The following CCBE1 variants were observed in gnomAD, a reference collection of about 807,000 sequenced individuals.
CCBE1 encodes the protein collagen and calcium-binding EGF domain-containing protein 1.
CCBE1 carries 37 observed loss-of-function variants against 50.0 expected under a neutral mutation model. The ratio of observed to expected loss-of-function variants is 0.74; its 90% CI spans 0.57 to 0.97. CCBE1 has a LOEUF of 0.97. Ranked by LOEUF, CCBE1 falls within the 50% of genes least tolerant of loss-of-function variation. The probability of loss-of-function intolerance (pLI) is 0.00; values close to 1 mark genes in which losing one functional copy is unlikely to be tolerated. For missense variants in CCBE1, 538 were observed against 523.8 expected (o/e 1.03, Z -0.26); for synonymous variants, 234 against 203.7 (o/e 1.15, Z -1.27).
chr18:59,656,384 G>A (rs912339360), intron 2 of CCBE1, among the ~76,000 whole-genome samples: 2 of 152,220 alleles, frequency 1.3e-5, no homozygotes, highest in African/African-American at 4.8e-5. Flanking sequence ...TGCAGAACAT[G>A]AAGGGTTTTG....
intron 2 of CCBE1, among the ~76,000 whole-genome samples, chr18:59,565,014 G>T (rs2052799215): frequency 6.6e-6 from 1 of 152,250 alleles, no homozygotes; most frequent in South Asian, 2.1e-4. Context: ...TGAGTAGTCA[G>T]CCTTGTTCCC....
At chr18:59,460,756 A>AC (rs529717209) in intron 5 of CCBE1, among the ~76,000 whole-genome samples, 19 of 151,838 alleles carry the variant, frequency 1.3e-4, no homozygotes, top group Non-Finnish European at 2.6e-4. Context: ...AGATGGTGAA[A>AC]CCCCATCTCT....
chr18:59,475,839 C>A (rs1217752768), intron 3 of CCBE1, among the ~76,000 whole-genome samples: 2 of 152,200 alleles, frequency 1.3e-5, no homozygotes, highest in Non-Finnish European at 2.9e-5. Flanking sequence ...CTGCCTCAGC[C>A]TCTGGAGTAG....
At chr18:59,461,108 T>G (rs1911451762) in intron 5 of CCBE1, among the ~76,000 whole-genome samples, 1 of 152,086 alleles carries the variant, frequency 6.6e-6, no homozygotes, top group African/African-American at 2.4e-5. Flanking sequence ...ACCTTCTCAT[T>G]TACAGATAAG....
rs369248982 is a variant in CCBE1, at chr18:59,602,114, C to CT, written c.212+94514dup. ...CATTTGTTATTACAAATGTGAATTCCTTTTTTTTTTTTTAATATATTTTTA... is the reference window on the plus strand; with the variant it reads ...CATTTGTTATTACAAATGTGAATTCCTTTTTTTTTTTTTTAATATATTTTTA... On this transcript the variant is annotated intron_variant, in intron 2 of 10. Transcript: ENST00000439986. Among the ~76,000 whole-genome samples, 1,240 of 143,040 alleles carry CT rather than the reference C, an allele frequency of 8.7e-3. 13 individuals are homozygous for CT. The highest frequency in any genetic ancestry group is 0.018 in the African/African-American group (693 of 39,354). 93.8% of individuals were successfully genotyped at this position (143,040 alleles called of 152,430 possible).
intron 2 of CCBE1, among the ~76,000 whole-genome samples, chr18:59,658,655 G>A (rs183715484): frequency 1.3e-5 from 2 of 150,550 alleles, no homozygotes; most frequent in African/African-American, 4.9e-5. Context: ...GCCGAGGCAG[G>A]CAGATCACAA....
At chr18:59,636,397 C>T (rs2053917091) in intron 2 of CCBE1, among the ~76,000 whole-genome samples, 1 of 152,228 alleles carries the variant, frequency 6.6e-6, no homozygotes, top group African/African-American at 2.4e-5. Flanking sequence ...ATGTGAAATG[C>T]ACAGAGCAAT....
chr18:59,547,634 A>G (rs1915758508), intron 2 of CCBE1, among the ~76,000 whole-genome samples: 2 of 152,208 alleles, frequency 1.3e-5, no homozygotes, highest in African/African-American at 4.8e-5. Flanking sequence ...TAAAGATTTC[A>G]ACACACAAAA....
In CCBE1 at chr18:59,697,345, G is replaced by A. The variant is rs1217061847; in HGVS notation, c.-3C>T. 6.5e-7 allele frequency: 1 copy of A among 1,546,534 alleles called. No individual in the cohort carries two copies. The highest frequency in any genetic ancestry group is 1.2e-5 in the South Asian group (1 of 83,950). On this transcript the variant is annotated 5_prime_UTR_variant, in exon 1 of 11. Transcript: ENST00000439986. ...CGGCTCGGAGGCGGCGGCACCATCAGGGAAGCTCCCGGCTTCTTCCCAGCG... is the reference window on the plus strand; with the variant it reads ...CGGCTCGGAGGCGGCGGCACCATCAAGGAAGCTCCCGGCTTCTTCCCAGCG...
chr18:59,602,142 A>G (rs2053442111), intron 2 of CCBE1, among the ~76,000 whole-genome samples: 1 of 151,896 alleles, frequency 6.6e-6, no homozygotes, highest in Admixed American at 6.6e-5. Context: ...TATTTTTACT[A>G]ACACCACAAA....
chr18:59,588,374 A>T (rs1194727011), intron 2 of CCBE1, among the ~76,000 whole-genome samples: 1 of 152,114 alleles, frequency 6.6e-6, no homozygotes, highest in Non-Finnish European at 1.5e-5. Context: ...CCAGCTTGGG[A>T]AACTTCGTGA....
intron 2 of CCBE1, among the ~76,000 whole-genome samples, chr18:59,488,189 C>A: frequency 6.6e-6 from 1 of 152,182 alleles, no homozygotes; most frequent in South Asian, 2.1e-4. Context: ...ACTGTAAAGA[C>A]GGAGTTAGTA....
At position 59,469,600 on chromosome 18, in the gene CCBE1, G is replaced by A. The variant is rs369006324; in HGVS notation, c.273C>T (p.Asp91=). Residue 91 remains aspartate (D), a synonymous_variant, in exon 4 of 11, where the codon GAC becomes GAT. Transcript: ENST00000439986. ...GTTCACAGGGAGCCTCGGCACAAACGTCGTAATCTGAAAAAGCAAAGTGAG... is the reference window on the plus strand; with the variant it reads ...GTTCACAGGGAGCCTCGGCACAAACATCGTAATCTGAAAAAGCAAAGTGAG... ...VLGQCIPEDY[D]VCAEAPCEQQ... 33 of 1,614,084 alleles carry A rather than the reference G, an allele frequency of 2.0e-5. 1 individual carries two copies. In the African/African-American group the frequency reaches 3.5e-4, roughly 17 times the overall value.
chr18:59,451,968 T>A (rs1430621189), intron 6 of CCBE1, among the ~76,000 whole-genome samples: 2 of 152,170 alleles, frequency 1.3e-5, no homozygotes, highest in Non-Finnish European at 2.9e-5. Context: ...TAACTTCCTA[T>A]GTTTTAAAAA....
At position 59,623,508 on chromosome 18, in the gene CCBE1, T is replaced by C. The variant is rs2053739098; in HGVS notation, c.212+73121A>G. 2.6e-5 allele frequency among the ~76,000 whole-genome samples: 4 copies of C among 152,220 alleles called. 1 individual carries two copies. In the South Asian group the frequency reaches 8.3e-4, roughly 32 times the overall value. On this transcript the variant is annotated intron_variant, in intron 2 of 10. Transcript: ENST00000439986. Reference sequence around the variant, plus strand: ...TTGCACTTGGTCACCTGCCTCTTACTGAGCAAAGTCTGGACAAGGATAGGA... The same window carrying C: ...TTGCACTTGGTCACCTGCCTCTTACCGAGCAAAGTCTGGACAAGGATAGGA...
chr18:59,576,392 T>C (rs1363918132), intron 2 of CCBE1, among the ~76,000 whole-genome samples: 1 of 152,234 alleles, frequency 6.6e-6, no homozygotes, highest in Non-Finnish European at 1.5e-5. Context: ...GTTTTTAAAG[T>C]AGCTCATTAC....
rs546148352 is a variant in CCBE1, at chr18:59,590,560, C to T, written c.212+106069G>A. 2.1e-4 allele frequency among the ~76,000 whole-genome samples: 31 copies of T among 151,166 alleles called. 1 individual carries two copies. In the East Asian group the frequency reaches 5.8e-3, roughly 28 times the overall value. The stretch of plus-strand genomic sequence containing the variant: ...GGAAAACTGAACATGCAAGAATAGT[C>T]AATAAAACACCAAAAAAGAAAAGCC... On this transcript the variant is annotated intron_variant, in intron 2 of 10. Coordinates refer to ENST00000439986, the MANE Select transcript of CCBE1 (RefSeq NM_133459.4).
chr18:59,467,587 C>G (rs1911811289), intron 4 of CCBE1, among the ~76,000 whole-genome samples: 1 of 152,196 alleles, frequency 6.6e-6, no homozygotes, highest in Non-Finnish European at 1.5e-5. Flanking sequence ...CCCATGTTAA[C>G]TATGCACATC....
At chr18:59,492,634 C>A (rs1390667624) in intron 2 of CCBE1, among the ~76,000 whole-genome samples, 1 of 152,188 alleles carries the variant, frequency 6.6e-6, no homozygotes, top group African/African-American at 2.4e-5. Context: ...GATCAATACA[C>A]AAGAAACCTG....
Sources: allele counts gnomAD v4.1 joint callset (sites outside exome capture counted in the v4.1 genomes callset), GRCh38; gene constraint gnomAD v4.1.1; transcripts MANE v1.5; gene names NCBI Gene and HGNC (gene_info 2026-07-23, HGNC 2026-07-21).